The following UTP20 variants were observed in gnomAD, a reference collection of about 807,000 sequenced individuals.
UTP20 encodes UTP20 small subunit processome component.
A neutral mutation model predicts 329.5 loss-of-function variants in UTP20; 164 were observed. The ratio of observed to expected loss-of-function variants is 0.50; its 90% confidence interval spans 0.44 to 0.57. The LOEUF is 0.57. Among genes scored for constraint, UTP20 ranks in the 20% least tolerant of loss-of-function variants. The pLI is 0.00. For synonymous variants in UTP20, 1,151 were observed against 1,159.3 expected (o/e 0.99, Z 0.14); for missense variants, 3,055 against 3,284.2 (o/e 0.93, Z 1.71).
chr12:101,383,067 C>T lies in UTP20; in HGVS notation c.7683C>T (p.Ala2561=). 1.9e-6 allele frequency: 3 copies of T among 1,601,132 alleles called. No homozygotes were observed. The highest frequency in any genetic ancestry group is 2.6e-6 in the Non-Finnish European group (3 of 1,176,422). ...EQVVKNLLFA[A]KVLYLLELYC... is the part of the protein sequence containing the mutation. ...TTGTTAAGAATTTGTTGTTCGCAGC[C>T]AAAGTCTTGTATTTACTGGAACTTT... is the stretch of plus-strand genomic sequence containing the variant. The change falls in exon 59 of 62, where the codon GCC becomes GCT. Residue 2561 remains alanine (A), a synonymous_variant. Transcript: ENST00000261637.
rs750232665 is a variant in UTP20, at chr12:101,357,082, G to A, written c.5691G>A (p.Gln1897=). The A allele has an allele frequency of 6.2e-7, 1 of 1,604,532 alleles. No individual in the cohort carries two copies. The highest frequency in any genetic ancestry group is 8.5e-7 in the Non-Finnish European group (1 of 1,175,678). The change falls in exon 43 of 62, where the codon CAG becomes CAA. Residue 1897 remains glutamine, a splice_region_variant and synonymous_variant. Coordinates refer to ENST00000261637, the MANE Select transcript of UTP20 (RefSeq NM_014503.3). The part of the protein sequence containing the change: ...ELQTTLVRGY[Q]VHVLTFTVHM... ...AGACTACTCTTGTCCGTGGATACCA[G>A]GTAAATTGCATCTTGTGCTTTATAT... is the stretch of plus-strand genomic sequence containing the variant.
chr12:101,376,501 G>A (rs1433127693), intron 56 of UTP20, among the ~76,000 whole-genome samples: 3 of 152,028 alleles, frequency 2.0e-5, no homozygotes, highest in African/African-American at 2.4e-5. Flanking sequence ...AGCATGTACT[G>A]TACTGAATAC....
intron 38 of UTP20, among the ~76,000 whole-genome samples, chr12:101,347,452 G>A (rs926208280): frequency 2.0e-5 from 3 of 152,116 alleles, no homozygotes; most frequent in Non-Finnish European, 4.4e-5. Context: ...GAACCCAGGA[G>A]GCAGAGGCTG....
At chr12:101,338,504 A>C (rs1228826119) in intron 30 of UTP20, among the ~76,000 whole-genome samples, 1 of 152,202 alleles carries the variant, frequency 6.6e-6, no homozygotes, top group African/African-American at 2.4e-5. Flanking sequence ...GAAATTATGA[A>C]AATGATTTCT....
At chr12:101,289,981 TTAGAG>T (rs1322959484) in intron 6 of UTP20, 151 bp from the exon 7 acceptor site, 1 of 548,110 alleles carries the variant, frequency 1.8e-6, no homozygotes. Flanking sequence ...GAACACACTA[TTAGAG>T]TAGTTTGAAA....
intron 52 of UTP20, among the ~76,000 whole-genome samples, chr12:101,373,168 C>T (rs1213866099): frequency 6.6e-6 from 1 of 152,056 alleles, no homozygotes; most frequent in Non-Finnish European, 1.5e-5. Context: ...CTAATTTAAC[C>T]GTTGATTGTC....
At chr12:101,358,379 T>C (rs1165705700) in intron 43 of UTP20, among the ~76,000 whole-genome samples, 3 of 152,242 alleles carry the variant, frequency 2.0e-5, no homozygotes, top group Admixed American at 2.0e-4. Context: ...GGCAATGTTA[T>C]AATTTTTGCT....
chr12:101,349,785 T>TC (rs1237926908), intron 38 of UTP20, among the ~76,000 whole-genome samples: 5 of 152,168 alleles, frequency 3.3e-5, no homozygotes, highest in African/African-American at 1.2e-4. Context: ...TATTTTTGGG[T>TC]CCCCTTCTTG....
At chr12:101,330,699 T>C (rs1311313185) in intron 27 of UTP20, among the ~76,000 whole-genome samples, 2 of 152,236 alleles carry the variant, frequency 1.3e-5, no homozygotes, top group Non-Finnish European at 1.5e-5. Context: ...ATATATTAAA[T>C]TGTGAAAGGT....
chr12:101,357,475 G>A (rs906646112), intron 43 of UTP20, among the ~76,000 whole-genome samples: 6 of 152,202 alleles, frequency 3.9e-5, no homozygotes, highest in African/African-American at 1.2e-4. Context: ...AAGGGGCTGG[G>A]TGCAGTGGCT....
In UTP20 at chr12:101,385,822, A is replaced by T. The variant is rs1034693387; in HGVS notation, c.8202+94A>T. The T allele has an allele frequency of 7.2e-6, 11 of 1,522,854 alleles. No individual in the cohort carries two copies. The East Asian group carries it at 2.7e-4, about 37-fold the overall frequency. 94.3% of individuals were successfully genotyped at this position (1,522,854 alleles called of 1,614,324 possible). On this transcript the variant is annotated intron_variant, in intron 61 of 61. Coordinates refer to ENST00000261637, the MANE Select transcript of UTP20 (RefSeq NM_014503.3). ...TCACACTTACACTTAGGGAGGATCAAGGGTTTGAGCGGTTGGGGACTTTAT... is the reference window on the plus strand; with the variant it reads ...TCACACTTACACTTAGGGAGGATCATGGGTTTGAGCGGTTGGGGACTTTAT...
In UTP20 at chr12:101,300,061, G is replaced by A; in HGVS notation, c.1675G>A (p.Gly559Arg). The A allele has an allele frequency of 1.2e-6, 2 of 1,613,952 alleles. No homozygotes were observed. The highest frequency in any genetic ancestry group is 1.3e-5 in the African/African-American group (1 of 75,044). Residue 559 changes from glycine (G) to arginine (R), a missense_variant and splice_region_variant, in exon 14 of 62, where the codon GGA becomes AGA. Transcript: ENST00000261637. ...TGTTGACAAAGGAAGCTTTGGGAAA[G>A]GTCAGTTACAATCATCATGTGTTCT... ...MTVDKGSFGK[G>R]NLFVLCQAVN...
intron 54 of UTP20, among the ~76,000 whole-genome samples, chr12:101,374,248 AT>A (rs1565808354): frequency 3.3e-5 from 5 of 151,988 alleles, no homozygotes; most frequent in African/African-American, 4.8e-5. Flanking sequence ...AAAAAAAAAA[AT>A]AAATAAAAAG....
chr12:101,369,280 C>T (rs550330828), intron 48 of UTP20, among the ~76,000 whole-genome samples: 1 of 152,132 alleles, frequency 6.6e-6, no homozygotes, highest in African/African-American at 2.4e-5. Flanking sequence ...GTAAAATTGA[C>T]CAACCTATCC....
intron 29 of UTP20, 37 bp downstream of exon 29, chr12:101,334,541 G>A (rs1231504576): frequency 1.9e-6 from 3 of 1,565,760 alleles, no homozygotes; most frequent in South Asian, 2.3e-5. Flanking sequence ...AAAAAGGGCA[G>A]TGTTTTAGAT....
intron 5 of UTP20, 67 bp downstream of exon 5, chr12:101,286,576 C>T: frequency 7.6e-7 from 1 of 1,317,174 alleles, no homozygotes; most frequent in South Asian, 2.0e-5. Context: ...TTCTTTATGA[C>T]TCCAAACCAC....
At chr12:101,282,626 G>T (rs932808909) in intron 2 of UTP20, among the ~76,000 whole-genome samples, 1 of 152,158 alleles carries the variant, frequency 6.6e-6, no homozygotes, top group African/African-American at 2.4e-5. Context: ...GTAAGCAGGG[G>T]AATGAATGAC....
chr12:101,362,315 G>A (rs1342414330), intron 44 of UTP20, among the ~76,000 whole-genome samples: 1 of 152,150 alleles, frequency 6.6e-6, no homozygotes, highest in Non-Finnish European at 1.5e-5. Flanking sequence ...TTTGAAATGA[G>A]AAAAGATTTT....
At chr12:101,302,072 A>G (rs890130657) in intron 14 of UTP20, among the ~76,000 whole-genome samples, 3 of 152,174 alleles carry the variant, frequency 2.0e-5, no homozygotes, top group Non-Finnish European at 4.4e-5. Flanking sequence ...TTGGGACTAC[A>G]GGTGTGAACC....
Sources: gnomAD v4.1 joint callset for allele counts (sites outside exome capture counted in the v4.1 genomes callset) on GRCh38, gnomAD v4.1.1 for gene constraint, MANE v1.5 for transcripts, NCBI Gene and HGNC (gene_info 2026-07-23, HGNC 2026-07-21) for gene names.